Variants in ZC3H3 observed in about 807,000 individuals in gnomAD.
ZC3H3 encodes zinc finger CCCH-type containing 3.
A neutral mutation model predicts 77.3 loss-of-function variants in ZC3H3; 36 were observed. The observed-to-expected ratio is 0.47, with a 90% confidence interval of 0.36 to 0.61. ZC3H3 has a LOEUF of 0.61. Ranked by LOEUF, ZC3H3 falls within the 20% of genes least tolerant of loss-of-function variation. The pLI is 0.00. For synonymous variants in ZC3H3, 626 were observed against 555.2 expected, an observed-to-expected ratio of 1.13 and a Z score of -1.79; for missense variants, 1,331 against 1,312.2, an observed-to-expected ratio of 1.01 and a Z score of -0.22.
chr8:143,518,293 G>A (rs1822126070), intron 3 of ZC3H3, among the ~76,000 whole-genome samples: 1 of 152,242 alleles, frequency 6.6e-6, no homozygotes, highest in Non-Finnish European at 1.5e-5. Flanking sequence ...ACATGGCTGG[G>A]CCTGGCTGGA....
chr8:143,444,572 C>T (rs1375585863), intron 9 of ZC3H3, among the ~76,000 whole-genome samples: 2 of 152,098 alleles, frequency 1.3e-5, no homozygotes, highest in African/African-American at 2.4e-5. Flanking sequence ...ATTAGAAAAT[C>T]AATGAACAAA....
At chr8:143,510,440 C>A (rs768533240) in intron 3 of ZC3H3, among the ~76,000 whole-genome samples, 8 of 152,248 alleles carry the variant, frequency 5.3e-5, no homozygotes, top group Non-Finnish European at 1.0e-4. Flanking sequence ...TCATGACAAC[C>A]CAGGATGAGC....
intron 3 of ZC3H3, among the ~76,000 whole-genome samples, chr8:143,527,593 T>C (rs1052920151): frequency 1.3e-5 from 2 of 152,256 alleles, no homozygotes; most frequent in African/African-American, 4.8e-5. Context: ...AAGATCGCTG[T>C]GGCTGCCTTT....
intron 9 of ZC3H3, among the ~76,000 whole-genome samples, chr8:143,447,723 G>A (rs12543096): frequency 0.18 from 26,816 of 152,186 alleles, 3,071 homozygotes; most frequent in East Asian, 0.42. Context: ...CACTTCACAC[G>A]GCCGAGCAGG....
At chr8:143,480,074 C>T (rs530198246) in intron 4 of ZC3H3, among the ~76,000 whole-genome samples, 45 of 152,324 alleles carry the variant, frequency 3.0e-4, no homozygotes, top group Non-Finnish European at 4.4e-5. Context: ...CTGCCAGCCT[C>T]GCTAGGCACA....
intron 9 of ZC3H3, among the ~76,000 whole-genome samples, chr8:143,449,941 C>T (rs1819948554): frequency 6.6e-6 from 1 of 152,172 alleles, no homozygotes; most frequent in Non-Finnish European, 1.5e-5. Flanking sequence ...CTGGACTTCA[C>T]TGTCCATATC....
chr8:143,523,866 T>G, intron 3 of ZC3H3, among the ~76,000 whole-genome samples: 1 of 152,302 alleles, frequency 6.6e-6, no homozygotes, highest in South Asian at 2.1e-4. Flanking sequence ...CGCAGGATGA[T>G]GGAGAGCAAG....
At chr8:143,535,532 C>T (rs764974814) in intron 3 of ZC3H3, among the ~76,000 whole-genome samples, 3 of 152,232 alleles carry the variant, frequency 2.0e-5, no homozygotes, top group African/African-American at 7.2e-5. Flanking sequence ...CTGACCCCCA[C>T]GGTGTCTGGG....
intron 3 of ZC3H3, among the ~76,000 whole-genome samples, chr8:143,531,201 C>T (rs961205270): frequency 6.6e-6 from 1 of 152,136 alleles, no homozygotes; most frequent in African/African-American, 2.4e-5. Context: ...TTCAAGTAAT[C>T]ACCCGCCTCA....
At chr8:143,440,515 CG>C (rs1819712317) in intron 10 of ZC3H3, 152 bp from the exon 11 acceptor site, 1 of 1,384,574 alleles carries the variant, frequency 7.2e-7, no homozygotes, top group Non-Finnish European at 9.4e-7. Flanking sequence ...GGCCCTTGGC[CG>C]CAAGGACAGG....
chr8:143,439,958 G>A (rs1313556237), intron 11 of ZC3H3, 83 bp downstream of exon 11: 20 of 1,188,810 alleles, frequency 1.7e-5, no homozygotes, highest in Admixed American at 1.3e-4. Context: ...GGGGGGCCCT[G>A]GGGGCCTGAG....
At chr8:143,501,639 C>CA (rs1277181502) in intron 4 of ZC3H3, among the ~76,000 whole-genome samples, 1 of 152,132 alleles carries the variant, frequency 6.6e-6, no homozygotes, top group African/African-American at 2.4e-5. Flanking sequence ...TGTGAGCCAT[C>CA]ATGCCTGGCC....
At chr8:143,468,939 C>A (rs370205005) in intron 5 of ZC3H3, among the ~76,000 whole-genome samples, 49 of 152,318 alleles carry the variant, frequency 3.2e-4, no homozygotes, top group Middle Eastern at 3.4e-3. Flanking sequence ...CCTGTCCCTG[C>A]CCTCAGAGCC....
chr8:143,508,367 G>A (rs562166473), intron 3 of ZC3H3, among the ~76,000 whole-genome samples: 1 of 152,340 alleles, frequency 6.6e-6, no homozygotes, highest in East Asian at 1.9e-4. Flanking sequence ...CCCTGCACAG[G>A]GGAGGGGCGC....
chr8:143,492,354 G>A (rs1821231611), intron 4 of ZC3H3, among the ~76,000 whole-genome samples: 1 of 152,080 alleles, frequency 6.6e-6, no homozygotes, highest in African/African-American at 2.4e-5. Flanking sequence ...TCCCACCAGG[G>A]CCTCAGCATC....
In ZC3H3 at chr8:143,533,450, T is replaced by C. The variant is rs1822687350; in HGVS notation, c.1561+2807A>G. 6.6e-6 allele frequency among the ~76,000 whole-genome samples: 1 copy of C among 152,156 alleles called. No individual in the cohort carries two copies. Among genetic ancestry groups the C allele is most frequent in the Non-Finnish European group, 1.5e-5 (1 of 68,030 alleles). On this transcript the variant is annotated intron_variant, in intron 3 of 11. Transcript: ENST00000262577. The surrounding 1 kb of genome is among the most constrained non-coding windows in gnomAD (Gnocchi z 4.0). ...CATTTTCCACCCAGGAGCACCTTCC[T>C]GGCTGATGTACAAGCACTCCAGTGG...
At chr8:143,439,204 C>T (rs1351875653) in intron 11 of ZC3H3, among the ~76,000 whole-genome samples, 5 of 152,062 alleles carry the variant, frequency 3.3e-5, no homozygotes, top group South Asian at 4.1e-4. Context: ...GCCCAGGTCT[C>T]GTGGGGCGGA....
At chr8:143,470,546 G>A (rs968974507) in intron 5 of ZC3H3, among the ~76,000 whole-genome samples, 2 of 152,194 alleles carry the variant, frequency 1.3e-5, no homozygotes, top group Non-Finnish European at 2.9e-5. Flanking sequence ...GGTGAGGGAC[G>A]CGGCAATGCG....
At chr8:143,536,499 C>G (rs1822804403) in intron 2 of ZC3H3, 46 bp from the exon 3 acceptor site, 1 of 1,447,882 alleles carries the variant, frequency 6.9e-7, no homozygotes, top group South Asian at 1.4e-5. Context: ...CCTGGGGGTT[C>G]TGCCCACCCA....
Sources: gnomAD v4.1 joint callset for allele counts (sites outside exome capture counted in the v4.1 genomes callset) on GRCh38, gnomAD v4.1.1 for gene constraint, Gnocchi (gnomAD v3.1) non-coding constraint, MANE v1.5 for transcripts, NCBI Gene and HGNC (gene_info 2026-07-23, HGNC 2026-07-21) for gene names.